VTI1A: variants seen among roughly 807,000 people sequenced by gnomAD.
VTI1A encodes vesicle transport through interaction with t-SNAREs homolog 1A.
Under a neutral mutation model 34.9 loss-of-function variants are expected in VTI1A, and 22 were observed. The observed-to-expected ratio is 0.63, with a 90% CI of 0.45 to 0.90. VTI1A has a LOEUF of 0.90. Among genes scored for constraint, VTI1A ranks in the 40% least tolerant of loss-of-function variants. The probability of loss-of-function intolerance (pLI) is 0.00; values close to 1 mark genes in which losing one functional copy is unlikely to be tolerated. For synonymous variants in VTI1A, 87 were observed against 97.3 expected, an observed-to-expected ratio of 0.89 and a Z score of 0.62; for missense variants, 268 against 275.6, an observed-to-expected ratio of 0.97 and a Z score of 0.20.
intron 3 of VTI1A, among the ~76,000 whole-genome samples, chr10:112,503,967 AT>A (rs1185447079): frequency 1.3e-5 from 2 of 152,110 alleles, no homozygotes; most frequent in African/African-American, 2.4e-5. Context: ...AAAAATGGGG[AT>A]TCCTTCTTTT....
At chr10:112,459,744 T>C (rs1847667446) in intron 1 of VTI1A, among the ~76,000 whole-genome samples, 1 of 152,202 alleles carries the variant, frequency 6.6e-6, no homozygotes, top group African/African-American at 2.4e-5. Context: ...ATGGGAAAGC[T>C]TTCTGAAATT....
intron 5 of VTI1A, among the ~76,000 whole-genome samples, chr10:112,613,344 T>C (rs1845391459): frequency 1.3e-5 from 2 of 152,230 alleles, no homozygotes; most frequent in Admixed American, 1.3e-4. Flanking sequence ...TTTTATCCTA[T>C]TGGAAGAATA....
intron 3 of VTI1A, among the ~76,000 whole-genome samples, chr10:112,511,259 T>C (rs1472057751): frequency 6.6e-6 from 1 of 151,886 alleles, no homozygotes; most frequent in Non-Finnish European, 1.5e-5. Context: ...TTTTTTTTTT[T>C]TCTTTTTCAG....
chr10:112,656,521 A>ATTTT (rs768159688), intron 5 of VTI1A, among the ~76,000 whole-genome samples: 29 of 103,178 alleles, frequency 2.8e-4, no homozygotes, highest in African/African-American at 1.0e-3. Context: ...CACCCAGATA[A>ATTTT]TTTTTTTTTT....
chr10:112,475,483 AT>A (rs1210091362), intron 3 of VTI1A, among the ~76,000 whole-genome samples: 1 of 152,222 alleles, frequency 6.6e-6, no homozygotes, highest in Non-Finnish European at 1.5e-5. Context: ...CTATGTTACC[AT>A]TTTATGGCAG....
chr10:112,475,417 A>G (rs1403391350), intron 3 of VTI1A, among the ~76,000 whole-genome samples: 2 of 152,152 alleles, frequency 1.3e-5, no homozygotes, highest in Non-Finnish European at 1.5e-5. Context: ...CTGCAATTTA[A>G]TTGCAGTTTT....
At chr10:112,561,635 A>G (rs1242885607) in intron 5 of VTI1A, among the ~76,000 whole-genome samples, 2 of 152,200 alleles carry the variant, frequency 1.3e-5, no homozygotes, top group Non-Finnish European at 2.9e-5. Context: ...TTAAATTTGG[A>G]AGTTTAACTC....
chr10:112,716,914 G>C (rs75718780), intron 7 of VTI1A, among the ~76,000 whole-genome samples: 5,888 of 152,332 alleles, frequency 0.039, 381 homozygotes, highest in African/African-American at 0.13. Flanking sequence ...GTTTGAGCCA[G>C]TGGTACCTTA....
chr10:112,782,146 G>A (rs1852149358), intron 7 of VTI1A, among the ~76,000 whole-genome samples: 2 of 152,208 alleles, frequency 1.3e-5, no homozygotes, highest in Admixed American at 6.5e-5. Context: ...GTGAGGACAG[G>A]GACCTAATTT....
chr10:112,623,746 C>T (rs1462250002), intron 5 of VTI1A, among the ~76,000 whole-genome samples: 2 of 152,142 alleles, frequency 1.3e-5, no homozygotes, highest in Non-Finnish European at 2.9e-5. Context: ...TTCAGTGCTT[C>T]AGGAGGGGCT....
At chr10:112,569,312 G>C (rs1217424831) in intron 5 of VTI1A, among the ~76,000 whole-genome samples, 1 of 152,092 alleles carries the variant, frequency 6.6e-6, no homozygotes, top group East Asian at 1.9e-4. Context: ...ATTATCTTAC[G>C]GGGTAAGTAC....
At chr10:112,728,491 A>T (rs1850127943) in intron 7 of VTI1A, among the ~76,000 whole-genome samples, 1 of 152,240 alleles carries the variant, frequency 6.6e-6, no homozygotes, top group South Asian at 2.1e-4. Context: ...GCTTGTCCAC[A>T]GTATGTGGGC....
At chr10:112,842,771 G>A in the VTI1A span, among the ~76,000 whole-genome samples, 1 of 152,190 alleles carries the variant, frequency 6.6e-6, no homozygotes, top group African/African-American at 2.4e-5. Context: ...TTGGCAACAT[G>A]GAGAATATCC....
chr10:112,843,066 G>A, the VTI1A span, among the ~76,000 whole-genome samples: 1 of 152,232 alleles, frequency 6.6e-6, no homozygotes. Context: ...GGAAGCACCA[G>A]AGCATGCGAT....
chr10:112,593,017 A>C (rs993384601), intron 5 of VTI1A, among the ~76,000 whole-genome samples: 4 of 152,352 alleles, frequency 2.6e-5, no homozygotes, highest in Admixed American at 2.0e-4. Flanking sequence ...GAGAATGCAG[A>C]GTAATACTTT....
chr10:112,736,312 A>T (rs1460578654), intron 7 of VTI1A, among the ~76,000 whole-genome samples: 1 of 151,768 alleles, frequency 6.6e-6, no homozygotes, highest in Admixed American at 6.6e-5. Context: ...GATTATTGTG[A>T]TATACCACCA....
chr10:112,554,295 G>A (rs1239440898), intron 5 of VTI1A, among the ~76,000 whole-genome samples: 2 of 152,164 alleles, frequency 1.3e-5, no homozygotes, highest in African/African-American at 4.8e-5. Flanking sequence ...ACAGCCCAGA[G>A]GAACTTAAGG....
intron 4 of VTI1A, among the ~76,000 whole-genome samples, chr10:112,531,061 CCTCACACACACACACACACACA>C: frequency 1.1e-5 from 1 of 90,320 alleles, no homozygotes; most frequent in South Asian, 3.5e-4. Flanking sequence ...ACGTGACACA[CCTCACACACACACACACACACA>C]CACACACACA....
At chr10:112,724,718 T>G (rs1428226423) in intron 7 of VTI1A, among the ~76,000 whole-genome samples, 1 of 151,918 alleles carries the variant, frequency 6.6e-6, no homozygotes, top group African/African-American at 2.4e-5. Context: ...GGTTGTGTTT[T>G]CATTAGCTTG....
Sources: gnomAD v4.1 joint callset for allele counts (sites outside exome capture counted in the v4.1 genomes callset) on GRCh38, gnomAD v4.1.1 for gene constraint, MANE v1.5 for transcripts, NCBI Gene and HGNC (gene_info 2026-07-23, HGNC 2026-07-21) for gene names.